WWOX: variants seen among roughly 807,000 people sequenced by gnomAD.
WWOX encodes WW domain-containing oxidoreductase.
In WWOX, 69 loss-of-function variants were observed where a neutral mutation model predicts 46.2. The ratio of observed to expected loss-of-function variants is 1.49; its 90% CI spans 1.23 to 1.82. The LOEUF (loss-of-function observed/expected upper bound fraction) is 1.82, where lower values mean the gene tolerates loss of function less well. WWOX is among the 40% of genes most tolerant of loss of function. WWOX has a pLI of 0.00. For missense variants in WWOX, 919 were observed against 542.6 expected, an observed-to-expected ratio of 1.69 and a Z score of -6.89; for synonymous variants, 359 against 202.6, an observed-to-expected ratio of 1.77 and a Z score of -6.56.
intron 5 of WWOX, among the ~76,000 whole-genome samples, chr16:78,242,745 C>T (rs570532620): frequency 1.2e-3 from 181 of 152,270 alleles, no homozygotes; most frequent in African/African-American, 4.0e-3. Context: ...CAGTGGCTCA[C>T]GCCTGTAATC....
chr16:78,330,179 CAA>C (rs577065385), intron 5 of WWOX, among the ~76,000 whole-genome samples: 109 of 152,242 alleles, frequency 7.2e-4, no homozygotes, highest in African/African-American at 2.1e-3. Context: ...AGCATACTAA[CAA>C]GTGTTCATTT....
chr16:78,209,996 A>T (rs1464557881), intron 5 of WWOX, among the ~76,000 whole-genome samples: 1 of 152,170 alleles, frequency 6.6e-6, no homozygotes, highest in African/African-American at 2.4e-5. Flanking sequence ...GCAGAATGTT[A>T]TTCAGAGATA....
chr16:78,463,497 G>T (rs149653627), intron 8 of WWOX, among the ~76,000 whole-genome samples: 195 of 152,296 alleles, frequency 1.3e-3, no homozygotes, highest in Non-Finnish European at 1.6e-3. Flanking sequence ...CTGAGTAGCT[G>T]TCATTATTGA....
intron 8 of WWOX, among the ~76,000 whole-genome samples, chr16:78,880,551 A>C (rs1309417194): frequency 6.6e-6 from 1 of 152,242 alleles, no homozygotes; most frequent in African/African-American, 2.4e-5. Context: ...AACAAACTGC[A>C]ATCTTGCATC....
At chr16:78,282,646 G>A (rs12926941) in intron 5 of WWOX, among the ~76,000 whole-genome samples, 35,221 of 151,828 alleles carry the variant, frequency 0.23, 4,325 homozygotes, top group East Asian at 0.45. Flanking sequence ...GGAGGCCTAG[G>A]TGCGCAGATT....
At chr16:78,759,623 G>T (rs546030451) in intron 8 of WWOX, among the ~76,000 whole-genome samples, 57 of 152,258 alleles carry the variant, frequency 3.7e-4, no homozygotes, top group South Asian at 2.1e-3. Context: ...GCAACACAGG[G>T]ATGTTAAACT....
At chr16:79,094,717 C>T (rs1034707946) in intron 8 of WWOX, among the ~76,000 whole-genome samples, 1 of 152,008 alleles carries the variant, frequency 6.6e-6, no homozygotes, top group East Asian at 1.9e-4. Flanking sequence ...ACTTAGTGAC[C>T]ATCTGAAGAT....
intron 8 of WWOX, chr16:78,551,786 C>G (rs1396244538): frequency 6.6e-6 from 1 of 152,328 alleles, no homozygotes; most frequent in Non-Finnish European, 1.5e-5. Flanking sequence ...TCTGCCGAGA[C>G]TCCAGGGACA....
At position 78,882,826 on chromosome 16, in the gene WWOX, T is replaced by TA. The variant is rs535318462; in HGVS notation, c.1057-328782_1057-328781insA. Among the ~76,000 whole-genome samples, 81 of 137,270 alleles carry TA rather than the reference T, an allele frequency of 5.9e-4. 2 individuals carry two copies. The South Asian group carries it at 0.015, about 25-fold the overall frequency. The allele number at this position is 137,270 out of a possible 152,430, so 90.1% of individuals were successfully genotyped here. A position where few individuals can be genotyped will look rare whatever the true frequency, so the allele number is the denominator to read the frequency against. ...TATAAAGTTTTTACAATGCCACCAT[T>TA]TAAAAAAAAAAAAAAGGGCATTAAT... On this transcript the variant is annotated intron_variant, in intron 8 of 8. Coordinates refer to ENST00000566780, the MANE Select transcript of WWOX (RefSeq NM_016373.4).
intron 8 of WWOX, among the ~76,000 whole-genome samples, chr16:78,771,447 T>A (rs746290022): frequency 5.2e-4 from 79 of 152,170 alleles, no homozygotes; most frequent in Non-Finnish European, 7.9e-4. Context: ...ATCATGAGTG[T>A]AATTAATGCC....
chr16:78,935,506 C>T (rs932717671), intron 8 of WWOX, among the ~76,000 whole-genome samples: 1 of 149,492 alleles, frequency 6.7e-6, no homozygotes, highest in Admixed American at 6.7e-5. Context: ...ATCACAAGGA[C>T]AAAAAAACCA....
At chr16:78,283,691 A>T (rs1031200333) in intron 5 of WWOX, among the ~76,000 whole-genome samples, 2 of 152,116 alleles carry the variant, frequency 1.3e-5, no homozygotes, top group African/African-American at 4.8e-5. Flanking sequence ...AAGACATCGA[A>T]AAATTAAAAA....
chr16:78,633,860 G>A (rs902815165), intron 8 of WWOX, among the ~76,000 whole-genome samples: 1 of 151,750 alleles, frequency 6.6e-6, no homozygotes, highest in East Asian at 1.9e-4. Flanking sequence ...TCACATGTAG[G>A]TCACCTACGG....
At chr16:78,811,954 G>T (rs145052192) in intron 8 of WWOX, among the ~76,000 whole-genome samples, 4 of 152,198 alleles carry the variant, frequency 2.6e-5, no homozygotes, top group African/African-American at 9.6e-5. Flanking sequence ...AATTTTTAAA[G>T]AATTGTGCCA....
At chr16:78,995,126 G>C (rs1165424337) in intron 8 of WWOX, among the ~76,000 whole-genome samples, 2 of 152,002 alleles carry the variant, frequency 1.3e-5, no homozygotes, top group Admixed American at 6.6e-5. Context: ...TCTTGGCTCT[G>C]ATCACTCCTT....
At chr16:78,182,675 G>A (rs1362258481) in intron 5 of WWOX, among the ~76,000 whole-genome samples, 1 of 152,028 alleles carries the variant, frequency 6.6e-6, no homozygotes, top group Non-Finnish European at 1.5e-5. Context: ...GGTTCTCACT[G>A]GGTGTGGTGG....
In WWOX at chr16:78,655,585, A is replaced by G. The variant is rs2047062397; in HGVS notation, c.1056+222833A>G. ...TACCATTAACAATTGATGCACTTTAATTTTGTGGGGTTTTAACTACAAAAT... is the reference window on the plus strand; with the variant it reads ...TACCATTAACAATTGATGCACTTTAGTTTTGTGGGGTTTTAACTACAAAAT... On this transcript the variant is annotated intron_variant, in intron 8 of 8. Transcript: ENST00000566780. Among the ~76,000 whole-genome samples the G allele has an allele frequency of 2.0e-5, 3 of 151,970 alleles. No individual in the cohort carries two copies. In the South Asian group the frequency reaches 6.2e-4, roughly 32 times the overall value.
At chr16:78,545,643 A>C (rs112550416) in intron 8 of WWOX, among the ~76,000 whole-genome samples, 13 of 152,348 alleles carry the variant, frequency 8.5e-5, no homozygotes, top group Admixed American at 2.0e-4. Flanking sequence ...TCTATTCTGA[A>C]ACAGGCACCG....
chr16:78,519,102 C>T (rs190672970), intron 8 of WWOX, among the ~76,000 whole-genome samples: 2 of 152,270 alleles, frequency 1.3e-5, no homozygotes, highest in Admixed American at 1.3e-4. Flanking sequence ...TGAAGTGGGG[C>T]CAGTTGGCTC....
Sources: gnomAD v4.1 joint callset for allele counts (sites outside exome capture counted in the v4.1 genomes callset) on GRCh38, gnomAD v4.1.1 for gene constraint, MANE v1.5 for transcripts, NCBI Gene and HGNC (gene_info 2026-07-23, HGNC 2026-07-21) for gene names.